The following TNXB variants were observed in gnomAD, a reference collection of about 807,000 sequenced individuals.
The protein encoded by TNXB is tenascin-X.
Under a neutral mutation model 340.5 loss-of-function variants are expected in TNXB, and 183 were observed. The ratio of observed to expected loss-of-function variants is 0.54; its 90% CI spans 0.48 to 0.61. The LOEUF (loss-of-function observed/expected upper bound fraction) is 0.61, where lower values mean the gene tolerates loss of function less well. Ranked by LOEUF, TNXB falls within the 20% of genes least tolerant of loss-of-function variation. The pLI is 0.00. For missense variants in TNXB, 4,613 were observed against 5,446.4 expected (o/e 0.85, Z 4.82); for synonymous variants, 2,121 against 2,314.5 (o/e 0.92, Z 2.40).
rs1308075225 is a variant in TNXB, at chr6:32,046,193, A to G, written c.10588T>C (p.Ser3530Pro). 5 of 1,585,350 alleles carry G rather than the reference A, an allele frequency of 3.2e-6. No homozygotes were observed. The highest frequency in any genetic ancestry group is 3.4e-6 in the Non-Finnish European group (4 of 1,161,190). The change falls in exon 31 of 44, where the codon TCT becomes CCT. Residue 3530 changes from serine to proline, a missense_variant. Transcript: ENST00000644971. The surrounding 1 kb of genome is among the most constrained non-coding windows in gnomAD (Gnocchi z 6.9). The stretch of plus-strand genomic sequence containing the variant: ...GCCTCACCTGTCATTCCCAGGGCAG[A>G]GACCGGGCCCAGGCGCTTTCCCCCA... ...LLGGKRLGPV[S>P]ALGMTAPEED...
In TNXB at chr6:32,055,999, C is replaced by T; in HGVS notation, c.8319G>A (p.Arg2773=). The T allele has an allele frequency of 6.2e-7, 1 of 1,613,340 alleles. No homozygotes were observed. The highest frequency in any genetic ancestry group is 8.5e-7 in the Non-Finnish European group (1 of 1,179,886). Reference sequence around the variant, plus strand: ...CACGCATCACCTGGGGCCGCCCGTCCCTGTCCTTGTACTGCACGGTGAAGG... The same window carrying T: ...CACGCATCACCTGGGGCCGCCCGTCTCTGTCCTTGTACTGCACGGTGAAGG... ...FDSFTVQYKD[R]DGRPQVMRVR... is the part of the protein sequence containing the mutation. The change falls in exon 24 of 44, where the codon AGG becomes AGA. Residue 2773 remains arginine (R), a synonymous_variant. Transcript: ENST00000644971.
chr6:32,102,582 A>G (rs1391402211), intron 1 of TNXB, among the ~76,000 whole-genome samples: 1 of 152,160 alleles, frequency 6.6e-6, no homozygotes, highest in Non-Finnish European at 1.5e-5. Context: ...AAAAAGAAAA[A>G]AGAAAAAAGA....
At chr6:32,104,468 A>G (rs1261783346) in intron 1 of TNXB, among the ~76,000 whole-genome samples, 15 of 152,158 alleles carry the variant, frequency 9.9e-5, no homozygotes, top group Admixed American at 9.8e-4. Context: ...CAGCTTTACA[A>G]GCCAGAAACC....
Position 32,097,050 on chromosome 6 carries a change from G to A in TNXB, c.803C>T (p.Pro268Leu). Residue 268 changes from proline (P) to leucine (L), a missense_variant, in exon 3 of 44, where the codon CCA (proline) becomes CTA (leucine). Around this residue, in one of 7 missense-constraint regions of TNXB, gnomAD observed 4,327 missense variants for 4,859.4 expected, o/e 0.89. Transcript: ENST00000644971. This position sits in a 1 kb window ranked among gnomAD's most constrained non-coding sequence, Gnocchi z 5.9. ...RCEGGRCVCD[P>L]GYTGDDCGMR... Reference sequence around the variant, plus strand: ...GCCACAGTCGTCACCAGTGTAGCCTGGGTCACACACGCAGCGCCCACCCTC... The same window carrying A: ...GCCACAGTCGTCACCAGTGTAGCCTAGGTCACACACGCAGCGCCCACCCTC... The A allele has an allele frequency of 6.2e-7, 1 of 1,613,298 alleles. No homozygotes were observed. The highest frequency in any genetic ancestry group is 8.5e-7 in the Non-Finnish European group (1 of 1,179,638).
Position 32,089,354 on chromosome 6 carries a change from G to A in TNXB, c.2384C>T (p.Thr795Ile), listed in dbSNP as rs2127273992. The change falls in exon 5 of 44, where the codon ACA becomes ATA. Residue 795 changes from threonine to isoleucine, a missense_variant. By Grantham distance (89) the Thr-to-Ile change is moderately conservative. Coordinates refer to ENST00000644971, the MANE Select transcript of TNXB (RefSeq NM_001365276.2). This position sits in a 1 kb window ranked among gnomAD's most constrained non-coding sequence, Gnocchi z 6.2. ...TGAGGCAGAGCTTGGAACCCGTGCT[G>A]TGAATGGGGGGCTCGCCCCCTCTGT... ...PTTEGASPPFTARVPSSASAY... is the reference protein window; with the variant it reads ...PTTEGASPPFIARVPSSASAY... The A allele has an allele frequency of 3.1e-6, 5 of 1,607,944 alleles. No homozygotes were observed. The highest frequency in any genetic ancestry group is 4.2e-6 in the Non-Finnish European group (5 of 1,178,098).
At chr6:32,092,643 T>C (rs568737858) in intron 4 of TNXB, among the ~76,000 whole-genome samples, 210 of 150,180 alleles carry the variant, frequency 1.4e-3, no homozygotes, top group Non-Finnish European at 2.2e-3. Flanking sequence ...TGAGCCGAGA[T>C]TGCGCCATTG....
Position 32,081,753 on chromosome 6 carries a change from T to C in TNXB, c.3737-80A>G. On this transcript the variant is annotated intron_variant, in intron 9 of 43. Transcript: ENST00000644971. The surrounding 1 kb of genome is among the most constrained non-coding windows in gnomAD (Gnocchi z 5.1). ...TGGGGTTTCGACGGGATGTCACACC[T>C]ATGGGGGGTGGGGGGTCACTAGTCC... is the stretch of plus-strand genomic sequence containing the variant. 5.1e-6 allele frequency: 3 copies of C among 583,576 alleles called. No homozygotes were observed. Among genetic ancestry groups the C allele is most frequent in the East Asian group, 4.4e-5 (1 of 22,594 alleles). 36.1% of individuals were successfully genotyped at this position (583,576 alleles called of 1,614,324 possible). A position where few individuals can be genotyped will look rare whatever the true frequency, so the allele number is the denominator to read the frequency against.
In TNXB at chr6:32,046,273, G is replaced by T. The variant is rs532375501; in HGVS notation, c.10508C>A (p.Thr3503Asn). The T allele has an allele frequency of 2.2e-5, 35 of 1,606,336 alleles. No individual in the cohort carries two copies. The South Asian group carries it at 3.9e-4, about 18-fold the overall frequency. ...VPVAADQRTV[T>N]VEDLEPGKKY... Reference sequence around the variant, plus strand: ...CTTGCCAGGCTCCAGGTCCTCTACGGTGACTGTGCGCTGGTCTGCGGCCAC... The same window carrying T: ...CTTGCCAGGCTCCAGGTCCTCTACGTTGACTGTGCGCTGGTCTGCGGCCAC... Residue 3503 changes from threonine (T) to asparagine (N), a missense_variant, in exon 31 of 44, where the codon ACC (threonine) becomes AAC (asparagine). Transcript: ENST00000644971. The surrounding 1 kb of genome is among the most constrained non-coding windows in gnomAD (Gnocchi z 6.9).
chr6:32,058,925 C>T lies in TNXB; in HGVS notation c.7493-535G>A, dbSNP rs1004291837. ...GTACTTGTGTACAAAAAAGGAAGTG[C>T]CAAGAACTTTATGAACACTGATTGC... On this transcript the variant is annotated intron_variant, in intron 21 of 43. Coordinates refer to ENST00000644971, the MANE Select transcript of TNXB (RefSeq NM_001365276.2). The surrounding 1 kb of genome is among the most constrained non-coding windows in gnomAD (Gnocchi z 5.1). 2.6e-5 allele frequency among the ~76,000 whole-genome samples: 4 copies of T among 151,858 alleles called. No homozygotes were observed. Among genetic ancestry groups the T allele is most frequent in the Admixed American group, 6.6e-5 (1 of 15,258 alleles).
intron 1 of TNXB, among the ~76,000 whole-genome samples, chr6:32,105,551 T>C (rs938627523): frequency 6.6e-6 from 1 of 152,192 alleles, no homozygotes. Context: ...ATTTACCGAC[T>C]ATATGAATGA....
rs542750932 is a variant in TNXB, at chr6:32,079,054, C to G, written c.4354G>C (p.Val1452Leu). ...TCACCTGTCACGCCCACGGCGGACA[C>G]CGGGCCCACGCGCTGCCCCTCGTGG... ...GLHEGQRVGP[V>L]SAVGVTAPQQ... Residue 1452 changes from valine to leucine, a missense_variant, in exon 11 of 44, where the codon GTG becomes CTG. Transcript: ENST00000644971. The surrounding 1 kb of genome is among the most constrained non-coding windows in gnomAD (Gnocchi z 7.1). The G allele has an allele frequency of 3.8e-5, 62 of 1,612,732 alleles. No individual in the cohort carries two copies. Among genetic ancestry groups the G allele is most frequent in the Non-Finnish European group, 5.2e-5 (61 of 1,179,530 alleles).
Position 32,042,849 on chromosome 6 carries a change from G to C in TNXB, c.11926-18C>G, listed in dbSNP as rs1358789024. The stretch of plus-strand genomic sequence containing the variant: ...AGGATCTCCTGTGGGACAGACAAGG[G>C]GGGGTCAGGGGAGAGGGAGGTGGAG... On this transcript the variant is annotated intron_variant, in intron 38 of 43. Transcript: ENST00000644971. 7 of 488,244 alleles carry C rather than the reference G, an allele frequency of 1.4e-5. No homozygotes were observed. Among genetic ancestry groups the C allele is most frequent in the South Asian group, 6.1e-5 (3 of 49,180 alleles). 30.2% of individuals were successfully genotyped at this position (488,244 alleles called of 1,614,324 possible). A position where few individuals can be genotyped will look rare whatever the true frequency, so the allele number is the denominator to read the frequency against.
In TNXB at chr6:32,089,651, G is replaced by A. The variant is rs1466716241; in HGVS notation, c.2359-272C>T. Among the ~76,000 whole-genome samples, 5 of 152,164 alleles carry A rather than the reference G, an allele frequency of 3.3e-5. No individual in the cohort carries two copies. On this transcript the variant is annotated intron_variant, in intron 4 of 43. Transcript: ENST00000644971. The surrounding 1 kb of genome is among the most constrained non-coding windows in gnomAD (Gnocchi z 6.2). The stretch of plus-strand genomic sequence containing the variant: ...CCCATTTTACAGATAAGGAAACTGA[G>A]ACACAGAAGGACAAGTATCTTGCCA...
In TNXB at chr6:32,102,913, T is replaced by A. The variant is rs115545102; in HGVS notation, c.-8-4707A>T. On this transcript the variant is annotated intron_variant, in intron 1 of 43. Coordinates refer to ENST00000644971, the MANE Select transcript of TNXB (RefSeq NM_001365276.2). ...CCAGCCTGGCAACAGATCAAGACTCTATGTCAAAAAACAAACAAAAAAACA... is the reference window on the plus strand; with the variant it reads ...CCAGCCTGGCAACAGATCAAGACTCAATGTCAAAAAACAAACAAAAAAACA... Among the ~76,000 whole-genome samples, 1,397 of 151,644 alleles carry A rather than the reference T, an allele frequency of 9.2e-3. 23 individuals are homozygous for A. Among genetic ancestry groups the A allele is most frequent in the African/African-American group, 0.032 (1,333 of 41,346 alleles).
At position 32,079,098 on chromosome 6, in the gene TNXB, T is replaced by A. The variant is rs1315071972; in HGVS notation, c.4310A>T (p.Lys1437Met). Residue 1437 changes from lysine (K) to methionine (M), a missense_variant, in exon 11 of 44, where the codon AAG becomes ATG. By Grantham distance (95) the Lys-to-Met change is moderately conservative. Around this residue, in one of 7 missense-constraint regions of TNXB, gnomAD observed 4,327 missense variants for 4,859.4 expected, o/e 0.89. Coordinates refer to ENST00000644971, the MANE Select transcript of TNXB (RefSeq NM_001365276.2). This position sits in a 1 kb window ranked among gnomAD's most constrained non-coding sequence, Gnocchi z 7.1. ...CTCGTGGAGGCCGTACAGGTGCATC[T>A]TGTACTTGTGCCCGGGCTCTAGGCC... Reference protein sequence around the residue: ...VGGLEPGHKYKMHLYGLHEGQ... With the variant: ...VGGLEPGHKYMMHLYGLHEGQ... 3.7e-6 allele frequency: 6 copies of A among 1,613,762 alleles called. No homozygotes were observed. Among genetic ancestry groups the A allele is most frequent in the Non-Finnish European group, 5.1e-6 (6 of 1,179,882 alleles).
At position 32,068,041 on chromosome 6, in the gene TNXB, G is replaced by A; in HGVS notation, c.6221-57C>T. On this transcript the variant is annotated intron_variant, in intron 17 of 43. Transcript: ENST00000644971. The surrounding 1 kb of genome is among the most constrained non-coding windows in gnomAD (Gnocchi z 5.3). The stretch of plus-strand genomic sequence containing the variant: ...GTCCTTGGGTACTGGGGAAAAGGAG[G>A]GAGAAGCCAAGGCTATGACTGGGGG... 3.8e-6 allele frequency: 6 copies of A among 1,577,554 alleles called. No homozygotes were observed. The highest frequency in any genetic ancestry group is 5.2e-6 in the Non-Finnish European group (6 of 1,160,786).
chr6:32,043,620 C>T (rs1776602903), intron 35 of TNXB, 64 bp from the exon 36 acceptor site: 2 of 1,371,986 alleles, frequency 1.5e-6, no homozygotes, highest in African/African-American at 1.5e-5. Flanking sequence ...CCTCCCCAGA[C>T]TCCACTGGCC....
At chr6:32,057,165 G>T (rs1399685518) in intron 22 of TNXB, among the ~76,000 whole-genome samples, 1 of 146,848 alleles carries the variant, frequency 6.8e-6, no homozygotes, top group Non-Finnish European at 1.5e-5. Context: ...CCTCTCTTTT[G>T]AGCACAGCCC....
intron 4 of TNXB, among the ~76,000 whole-genome samples, chr6:32,092,394 C>A (rs1034819783): frequency 2.6e-5 from 4 of 152,142 alleles, no homozygotes; most frequent in Non-Finnish European, 4.4e-5. Flanking sequence ...GTCCCTTGAT[C>A]TGGAATAGCA....
Sources: gnomAD v4.1 joint callset for allele counts (sites outside exome capture counted in the v4.1 genomes callset) on GRCh38, gnomAD v4.1.1 for gene constraint, gnomAD v4.1.1 regional missense constraint, Gnocchi (gnomAD v3.1) non-coding constraint, MANE v1.5 for transcripts, NCBI Gene and HGNC (gene_info 2026-07-23, HGNC 2026-07-21) for gene names.